PALM2AKAP2: variants seen among roughly 807,000 people sequenced by gnomAD.
PALM2AKAP2 encodes PALM2 and AKAP2 fusion.
In PALM2AKAP2, 37 loss-of-function variants were observed where a neutral mutation model predicts 71.5. The ratio of observed to expected loss-of-function variants is 0.52; its 90% CI spans 0.40 to 0.68. The LOEUF is 0.68. Among genes scored for constraint, PALM2AKAP2 ranks in the 30% least tolerant of loss-of-function variants. PALM2AKAP2 has a pLI of 0.00. For synonymous variants in PALM2AKAP2, 468 were observed against 478.8 expected (o/e 0.98, Z 0.29); for missense variants, 1,224 against 1,191.8 (o/e 1.03, Z -0.40).
intron 1 of PALM2AKAP2, among the ~76,000 whole-genome samples, chr9:109,658,067 G>C (rs1827333572): frequency 6.6e-6 from 1 of 151,814 alleles, no homozygotes; most frequent in African/African-American, 2.4e-5. Context: ...TGTGCAATTT[G>C]CTCAAATAGG....
intron 1 of PALM2AKAP2, among the ~76,000 whole-genome samples, chr9:109,661,596 G>A (rs1449043647): frequency 1.4e-4 from 21 of 152,132 alleles, no homozygotes; most frequent in Non-Finnish European, 1.9e-4. Flanking sequence ...GTCAGGTAGC[G>A]TGATGCCTCC....
At chr9:109,845,751 A>C (rs1198514402) in intron 1 of PALM2AKAP2, among the ~76,000 whole-genome samples, 1 of 152,148 alleles carries the variant, frequency 6.6e-6, no homozygotes, top group South Asian at 2.1e-4. Flanking sequence ...GGGTCTTGCT[A>C]TGTTATCCAG....
chr9:109,727,248 A>G (rs1231521632), intron 1 of PALM2AKAP2, among the ~76,000 whole-genome samples: 2 of 152,080 alleles, frequency 1.3e-5, no homozygotes, highest in African/African-American at 2.4e-5. Flanking sequence ...TCTTCTTGTG[A>G]TAGTATCTGC....
intron 2 of PALM2AKAP2, among the ~76,000 whole-genome samples, chr9:109,877,599 T>C (rs1283186764): frequency 6.6e-6 from 1 of 152,184 alleles, no homozygotes; most frequent in African/African-American, 2.4e-5. Flanking sequence ...ACAACAACAA[T>C]AGTAAACATT....
At chr9:109,970,125 C>T (rs1036677111) in intron 6 of PALM2AKAP2, among the ~76,000 whole-genome samples, 1 of 152,202 alleles carries the variant, frequency 6.6e-6, no homozygotes, top group Admixed American at 6.5e-5. Context: ...CCCTCTCTAT[C>T]TATGGTAAAG....
chr9:109,799,965 G>C (rs1449021274), intron 1 of PALM2AKAP2, among the ~76,000 whole-genome samples: 1 of 152,190 alleles, frequency 6.6e-6, no homozygotes, highest in Non-Finnish European at 1.5e-5. Context: ...AGAGGAGCCT[G>C]GGAAGAAAGG....
chr9:109,700,388 G>A (rs191908173), intron 1 of PALM2AKAP2, among the ~76,000 whole-genome samples: 13 of 152,094 alleles, frequency 8.5e-5, no homozygotes, highest in Admixed American at 2.0e-4. Flanking sequence ...CTCCTCCTTC[G>A]CCTTCCGCCA....
intron 6 of PALM2AKAP2, among the ~76,000 whole-genome samples, chr9:109,999,535 A>G (rs1832641403): frequency 1.3e-5 from 2 of 151,914 alleles, no homozygotes; most frequent in Non-Finnish European, 2.9e-5. Context: ...CTCTTGTAGC[A>G]TTCTTCTTTT....
chr9:110,167,858 A>G (rs1836774418), intron 3 of PALM2AKAP2, among the ~76,000 whole-genome samples: 1 of 152,206 alleles, frequency 6.6e-6, no homozygotes, highest in Non-Finnish European at 1.5e-5. Context: ...GACTAAGACC[A>G]TCTATAGTGT....
At chr9:109,907,075 G>T (rs912457038) in intron 3 of PALM2AKAP2, among the ~76,000 whole-genome samples, 3 of 152,138 alleles carry the variant, frequency 2.0e-5, no homozygotes, top group Non-Finnish European at 2.9e-5. Context: ...TCTATGCCTT[G>T]ATCATTTTTC....
At chr9:110,145,287 T>G (rs556826281) in intron 2 of PALM2AKAP2, among the ~76,000 whole-genome samples, 3 of 152,272 alleles carry the variant, frequency 2.0e-5, no homozygotes, top group Admixed American at 2.0e-4. Flanking sequence ...GCAAAAGCAC[T>G]CGGGCTGTCC....
chr9:109,682,289 G>C (rs1430892534), intron 1 of PALM2AKAP2, among the ~76,000 whole-genome samples: 1 of 152,188 alleles, frequency 6.6e-6, no homozygotes, highest in African/African-American at 2.4e-5. Context: ...CTGCTTCTCA[G>C]AATATATTCT....
At chr9:109,824,534 G>T (rs546421690) in intron 1 of PALM2AKAP2, among the ~76,000 whole-genome samples, 5 of 152,290 alleles carry the variant, frequency 3.3e-5, no homozygotes, top group African/African-American at 9.6e-5. Context: ...GAGCATATTA[G>T]CAAATACCCT....
intron 7 of PALM2AKAP2, among the ~76,000 whole-genome samples, chr9:110,035,539 T>C (rs1833380446): frequency 1.4e-5 from 2 of 145,454 alleles, no homozygotes; most frequent in Non-Finnish European, 3.0e-5. Context: ...ATATAGGATA[T>C]GTTGTGTGTT....
intron 6 of PALM2AKAP2, among the ~76,000 whole-genome samples, chr9:109,997,610 T>C (rs1832597758): frequency 6.6e-6 from 1 of 152,222 alleles, no homozygotes; most frequent in African/African-American, 2.4e-5. Flanking sequence ...CAATAACCTA[T>C]GGTGAGTTCG....
At position 109,681,291 on chromosome 9, in the gene PALM2AKAP2, T is replaced by G. The variant is rs190182233; in HGVS notation, c.5+40425T>G. Among the ~76,000 whole-genome samples the G allele has an allele frequency of 1.2e-3, 178 of 152,338 alleles. 1 individual carries two copies. Among genetic ancestry groups the G allele is most frequent in the African/African-American group, 4.0e-3 (167 of 41,580 alleles). The stretch of plus-strand genomic sequence containing the variant: ...TTAGATAGGAAAGAGAGAGCTCTCA[T>G]GAATTTCTGGTAGAATTCTGTTCAA... On this transcript the variant is annotated intron_variant, in intron 1 of 6. Transcript: ENST00000374531.
intron 7 of PALM2AKAP2, among the ~76,000 whole-genome samples, chr9:110,028,077 T>C (rs1326757040): frequency 1.3e-5 from 2 of 152,182 alleles, no homozygotes; most frequent in East Asian, 1.9e-4. Flanking sequence ...GGGTTTGGCA[T>C]TGGTGAGTAG....
chr9:109,665,695 T>C (rs1395312601), intron 1 of PALM2AKAP2, among the ~76,000 whole-genome samples: 7 of 152,218 alleles, frequency 4.6e-5, no homozygotes, highest in African/African-American at 1.4e-4. Context: ...GCTCAAATGC[T>C]GTGCTGGGAG....
chr9:109,805,088 T>C (rs1827535947), intron 1 of PALM2AKAP2, among the ~76,000 whole-genome samples: 1 of 152,268 alleles, frequency 6.6e-6, no homozygotes, highest in African/African-American at 2.4e-5. Flanking sequence ...TACATTTGGC[T>C]GCAAGTGCCT....
Sources: gnomAD v4.1 joint callset for allele counts (sites outside exome capture counted in the v4.1 genomes callset) on GRCh38, gnomAD v4.1.1 for gene constraint, MANE v1.5 for transcripts, NCBI Gene and HGNC (gene_info 2026-07-23, HGNC 2026-07-21) for gene names.